GRM4: variants seen among roughly 807,000 people sequenced by gnomAD.
The protein encoded by GRM4 is glutamate metabotropic receptor 4.
Under a neutral mutation model 81.7 loss-of-function variants are expected in GRM4, and 28 were observed. The observed-to-expected ratio is 0.34, with a 90% confidence interval of 0.25 to 0.47. The LOEUF (loss-of-function observed/expected upper bound fraction) is 0.47. GRM4 is among the 20% of genes least tolerant of loss of function. The pLI, the probability that GRM4 is intolerant of heterozygous loss-of-function variation, is 1.00. For synonymous variants in GRM4, 488 were observed against 528.8 expected (o/e 0.92, Z 1.06); for missense variants, 948 against 1,290.0 (o/e 0.73, Z 4.06).
chr6:34,040,799 C>T (rs1476463057), intron 6 of GRM4, 51 bp from the exon 7 acceptor site: 1 of 1,496,626 alleles, frequency 6.7e-7, no homozygotes, highest in African/African-American at 1.4e-5. Context: ...ACTGTCCTCA[C>T]AGTGGTGTCA....
chr6:34,023,856 G>T (rs917229620), intron 10 of GRM4, among the ~76,000 whole-genome samples: 1 of 152,338 alleles, frequency 6.6e-6, no homozygotes, highest in Non-Finnish European at 1.5e-5. Context: ...CCTTGGTTTT[G>T]TCCTGTCTAG....
In GRM4 at chr6:34,035,163, A is replaced by C. The variant is rs1581592830; in HGVS notation, c.2442+505T>G. 4.0e-5 allele frequency among the ~76,000 whole-genome samples: 6 copies of C among 151,758 alleles called. No individual in the cohort carries two copies. In the South Asian group the frequency reaches 1.2e-3, roughly 32 times the overall value. ...GGTTGAGTAGGGAGAGAGGTAAGAG[A>C]AAGGAGTCTAGAAAAGAATGAAGAG... On this transcript the variant is annotated intron_variant, in intron 9 of 10. Coordinates refer to ENST00000538487, the MANE Select transcript of GRM4 (RefSeq NM_000841.4). The surrounding 1 kb of genome is among the most constrained non-coding windows in gnomAD (Gnocchi z 6.6).
intron 3 of GRM4, among the ~76,000 whole-genome samples, chr6:34,088,953 C>T (rs1286218183): frequency 2.6e-5 from 4 of 152,184 alleles, no homozygotes; most frequent in African/African-American, 9.7e-5. Flanking sequence ...ACTCCATGTG[C>T]CACCTACAGG....
chr6:34,153,932 A>C (rs950879740), intron 1 of GRM4, among the ~76,000 whole-genome samples: 4 of 151,742 alleles, frequency 2.6e-5, no homozygotes, highest in African/African-American at 9.7e-5. Context: ...TCTCAAAAAA[A>C]AAAAAAAAAA....
chr6:34,026,882 G>A (rs1764159786), intron 10 of GRM4, among the ~76,000 whole-genome samples: 1 of 152,236 alleles, frequency 6.6e-6, no homozygotes, highest in Admixed American at 6.5e-5. Flanking sequence ...GCAGCAGAGA[G>A]GTGGTCTGGA....
rs3041182 is a variant in GRM4, at chr6:34,080,871, T to TACACAC, written c.736+11006_736+11011dup. The stretch of plus-strand genomic sequence containing the variant: ...ATACACACACACATACACATACATA[T>TACACAC]ACACACACACACACACACAACCCTT... On this transcript the variant is annotated intron_variant, in intron 3 of 10. Transcript: ENST00000538487. This position sits in a 1 kb window ranked among gnomAD's most constrained non-coding sequence, Gnocchi z 5.4. Among the ~76,000 whole-genome samples, 20 of 123,228 alleles carry TACACAC rather than the reference T, an allele frequency of 1.6e-4. No homozygotes were observed. The highest frequency in any genetic ancestry group is 6.0e-4 in the East Asian group (2 of 3,338). 80.8% of individuals were successfully genotyped at this position (123,228 alleles called of 152,430 possible). A position where few individuals can be genotyped will look rare whatever the true frequency, so the allele number is the denominator to read the frequency against.
chr6:34,105,020 G>C (rs1046908555), intron 2 of GRM4, among the ~76,000 whole-genome samples: 1 of 152,166 alleles, frequency 6.6e-6, no homozygotes, highest in African/African-American at 2.4e-5. Context: ...CAGCAGTGGG[G>C]CGTGGCCAGG....
Position 34,068,031 on chromosome 6 carries a change from G to A in GRM4, c.737-6003C>T, listed in dbSNP as rs1007649645. Among the ~76,000 whole-genome samples, 1 of 152,250 alleles carries A rather than the reference G, an allele frequency of 6.6e-6. No individual in the cohort carries two copies. The highest frequency in any genetic ancestry group is 2.4e-5 in the African/African-American group (1 of 41,466). On this transcript the variant is annotated intron_variant, in intron 3 of 10. Transcript: ENST00000538487. This position sits in a 1 kb window ranked among gnomAD's most constrained non-coding sequence, Gnocchi z 4.2. ...TGCCAGGCATGGCGTGAGACACTGGGATGCAGCCATGCAGAGGACAGAAGC... is the reference window on the plus strand; with the variant it reads ...TGCCAGGCATGGCGTGAGACACTGGAATGCAGCCATGCAGAGGACAGAAGC...
rs752921532 is a variant in GRM4, at chr6:34,040,610, G to A, written c.1307C>T (p.Pro436Leu). The A allele has an allele frequency of 3.8e-5, 62 of 1,614,000 alleles. No individual in the cohort carries two copies. The highest frequency in any genetic ancestry group is 2.2e-4 in the South Asian group (20 of 91,084). Residue 436 changes from proline to leucine, a missense_variant, in exon 7 of 11, where the codon CCG becomes CTG. Physicochemically the swap from Pro to Leu is moderately conservative, Grantham distance 98. Transcript: ENST00000538487. ...GGTGCCATCTACAGGGTCCATGCGC[G>A]GGCAGAGCCCCACGCGGCCGGGACA... Reference protein sequence around the residue: ...DLCPGRVGLCPRMDPVDGTQL... With the variant: ...DLCPGRVGLCLRMDPVDGTQL...
intron 1 of GRM4, among the ~76,000 whole-genome samples, chr6:34,142,153 C>A (rs988634270): frequency 2.0e-5 from 3 of 152,202 alleles, no homozygotes; most frequent in African/African-American, 7.2e-5. Flanking sequence ...TGCTCCAGGC[C>A]CATGCCCACC....
chr6:34,030,553 C>T (rs1475151259), intron 9 of GRM4, among the ~76,000 whole-genome samples: 2 of 152,162 alleles, frequency 1.3e-5, no homozygotes, highest in Non-Finnish European at 2.9e-5. Context: ...AACAAGTTTC[C>T]ACCCCTCTCT....
intron 2 of GRM4, among the ~76,000 whole-genome samples, chr6:34,128,417 C>T (rs1340083547): frequency 1.5e-5 from 2 of 137,614 alleles, no homozygotes; most frequent in East Asian, 4.2e-4. Context: ...TCGCTCTTGT[C>T]GCCCAGGCTG....
At chr6:34,084,941 T>C (rs1313334157) in intron 3 of GRM4, among the ~76,000 whole-genome samples, 4 of 152,182 alleles carry the variant, frequency 2.6e-5, no homozygotes, top group Non-Finnish European at 5.9e-5. Flanking sequence ...TCCCTTTTTT[T>C]ACTTATTCAG....
upstream of GRM4, among the ~76,000 whole-genome samples, chr6:34,147,933 CTAAT>C (rs1382489398): frequency 6.1e-5 from 9 of 147,212 alleles, no homozygotes; most frequent in Non-Finnish European, 1.2e-4. Flanking sequence ...AATGAATGAA[CTAAT>C]TAAAGTGAAG....
chr6:34,147,617 G>A (rs1306928532), upstream of GRM4, among the ~76,000 whole-genome samples: 1 of 152,216 alleles, frequency 6.6e-6, no homozygotes. Flanking sequence ...ACTGCCAAGA[G>A]GCCACCCAGT....
At chr6:34,037,933 G>T (rs1764802076) in intron 8 of GRM4, among the ~76,000 whole-genome samples, 1 of 151,946 alleles carries the variant, frequency 6.6e-6, no homozygotes, top group Non-Finnish European at 1.5e-5. Flanking sequence ...TGGCAAGGTA[G>T]GAAGAAAACC....
chr6:34,043,718 G>A (rs1208052292), intron 6 of GRM4, among the ~76,000 whole-genome samples: 3 of 152,118 alleles, frequency 2.0e-5, no homozygotes, highest in African/African-American at 7.2e-5. Flanking sequence ...CTTGGGCTCG[G>A]GGCCAAGTGC....
intron 2 of GRM4, among the ~76,000 whole-genome samples, chr6:34,125,074 C>T (rs1232929334): frequency 4.6e-5 from 7 of 152,096 alleles, no homozygotes; most frequent in Admixed American, 2.0e-4. Context: ...CCCGGGTTCA[C>T]GCCATTCTCC....
In GRM4 at chr6:34,056,477, C is replaced by G. The variant is rs1057365704; in HGVS notation, c.1168+67G>C. On this transcript the variant is annotated intron_variant, in intron 6 of 10. Coordinates refer to ENST00000538487, the MANE Select transcript of GRM4 (RefSeq NM_000841.4). The stretch of plus-strand genomic sequence containing the variant: ...ACAAAGGGAGACTCTCGGCCTCAGG[C>G]CCCCAGGCTCGGCCCTCCCCGGCTC... 14 of 1,409,704 alleles carry G rather than the reference C, an allele frequency of 9.9e-6. No individual in the cohort carries two copies. In the Admixed American group the frequency reaches 1.7e-4, roughly 17 times the overall value. The allele number at this position is 1,409,704 out of a possible 1,614,324, so 87.3% of individuals were successfully genotyped here.
Sources: gnomAD v4.1 joint callset for allele counts (sites outside exome capture counted in the v4.1 genomes callset) on GRCh38, gnomAD v4.1.1 for gene constraint, Gnocchi (gnomAD v3.1) non-coding constraint, MANE v1.5 for transcripts, NCBI Gene and HGNC (gene_info 2026-07-23, HGNC 2026-07-21) for gene names.